NDUFS4: variants seen among roughly 807,000 people sequenced by gnomAD.
The protein encoded by NDUFS4 is NADH:ubiquinone oxidoreductase subunit S4.
In NDUFS4, 28 loss-of-function variants were observed where a neutral mutation model predicts 24.3. The observed-to-expected ratio is 1.15, with a 90% CI of 0.85 to 1.58. The LOEUF is 1.58. Ranked by LOEUF, NDUFS4 falls within the 40% of genes most tolerant of loss-of-function variation. The pLI, the probability that NDUFS4 is intolerant of heterozygous loss-of-function variation, is 0.00. For synonymous variants in NDUFS4, 93 were observed against 69.7 expected (o/e 1.34, Z -1.67); for missense variants, 223 against 207.9 (o/e 1.07, Z -0.45).
chr5:53,653,154 A>T (rs11740800), intron 3 of NDUFS4, among the ~76,000 whole-genome samples: 24,411 of 139,664 alleles, frequency 0.17, 1,961 homozygotes, highest in East Asian at 0.19. Context: ...GTTAAATTTT[A>T]AAAATGTTTT....
At chr5:53,573,524 T>A in intron 1 of NDUFS4, 3 of 443,432 alleles carry the variant, frequency 6.8e-6, no homozygotes, top group South Asian at 4.8e-5. Context: ...TCGTTAGATT[T>A]ATGCCTAACT....
chr5:53,584,763 T>C (rs1412593117), intron 1 of NDUFS4, among the ~76,000 whole-genome samples: 2 of 115,330 alleles, frequency 1.7e-5, no homozygotes, highest in African/African-American at 6.2e-5. Flanking sequence ...TAACTAAAAA[T>C]GTTTTCTGTT....
At chr5:53,631,253 G>T (rs1345344586) in intron 2 of NDUFS4, among the ~76,000 whole-genome samples, 1 of 152,124 alleles carries the variant, frequency 6.6e-6, no homozygotes, top group Non-Finnish European at 1.5e-5. Context: ...CCTTCCTCTG[G>T]AAGCTTCGTC....
At chr5:53,567,843 T>A (rs1749085194) in intron 1 of NDUFS4, among the ~76,000 whole-genome samples, 1 of 152,162 alleles carries the variant, frequency 6.6e-6, no homozygotes, top group African/African-American at 2.4e-5. Context: ...GTTTACTTTT[T>A]ATGATTAAAG....
chr5:53,582,664 T>C (rs1345715807), intron 1 of NDUFS4, among the ~76,000 whole-genome samples: 2 of 152,244 alleles, frequency 1.3e-5, no homozygotes, highest in Non-Finnish European at 2.9e-5. Flanking sequence ...AAAGACCTGC[T>C]GTACTTACTA....
At chr5:53,660,057 A>G (rs1752286732) in intron 4 of NDUFS4, among the ~76,000 whole-genome samples, 1 of 151,710 alleles carries the variant, frequency 6.6e-6, no homozygotes, top group Non-Finnish European at 1.5e-5. Flanking sequence ...CAGGTTTGCT[A>G]CACATGTATA....
At chr5:53,584,043 A>C (rs1462988398) in intron 1 of NDUFS4, among the ~76,000 whole-genome samples, 1 of 152,320 alleles carries the variant, frequency 6.6e-6, no homozygotes, top group Non-Finnish European at 1.5e-5. Context: ...GCTTTTCCTT[A>C]CAGTCCTGCT....
At chr5:53,599,921 T>C (rs1750257789) in intron 1 of NDUFS4, among the ~76,000 whole-genome samples, 1 of 152,094 alleles carries the variant, frequency 6.6e-6, no homozygotes, top group Admixed American at 6.5e-5. Context: ...CAAACAGATA[T>C]TTACTGTATA....
At chr5:53,609,813 C>T (rs76012526) in intron 2 of NDUFS4, among the ~76,000 whole-genome samples, 2,123 of 152,020 alleles carry the variant, frequency 0.014, 39 homozygotes, top group Non-Finnish European at 0.018. Context: ...AGATGGCTTC[C>T]TCCTTAGACC....
At chr5:53,636,707 G>A (rs1489538934) in intron 2 of NDUFS4, among the ~76,000 whole-genome samples, 6 of 152,158 alleles carry the variant, frequency 3.9e-5, no homozygotes, top group African/African-American at 1.4e-4. Flanking sequence ...GGAGCCTGTT[G>A]GGAGGTAATT....
At chr5:53,675,274 A>T (rs1457752116) in intron 4 of NDUFS4, among the ~76,000 whole-genome samples, 2 of 142,528 alleles carry the variant, frequency 1.4e-5, no homozygotes, top group Non-Finnish European at 3.0e-5. Context: ...GCCATTCTCC[A>T]GCCTCAGCCT....
chr5:53,560,760 G>C lies in NDUFS4; in HGVS notation c.98G>C (p.Arg33Thr), dbSNP rs373075319. The change falls in exon 1 of 5, where the codon AGG (arginine) becomes ACG (threonine). Residue 33 changes from arginine to threonine, a missense_variant and splice_region_variant. Transcript: ENST00000296684. ...CTTTCCGTTTCCAGGGTTCCGACCA[G>C]GTAATAGAATTTTCACACTTTTCTT... The part of the protein sequence containing the change: ...AALSVSRVPT[R>T]SLRTSTWRLA... The C allele has an allele frequency of 2.5e-6, 4 of 1,614,218 alleles. No individual in the cohort carries two copies. Among genetic ancestry groups the C allele is most frequent in the Non-Finnish European group, 3.4e-6 (4 of 1,180,046 alleles).
At chr5:53,680,848 A>AC (rs1740641587) in intron 4 of NDUFS4, among the ~76,000 whole-genome samples, 2 of 152,066 alleles carry the variant, frequency 1.3e-5, no homozygotes, top group Non-Finnish European at 2.9e-5. Flanking sequence ...TATAATAATA[A>AC]TAAAAAAATA....
At chr5:53,572,005 G>A (rs1383072767) in intron 1 of NDUFS4, among the ~76,000 whole-genome samples, 1 of 152,186 alleles carries the variant, frequency 6.6e-6, no homozygotes, top group Non-Finnish European at 1.5e-5. Context: ...AGATGAAGAA[G>A]AGAAAAGCAT....
chr5:53,610,535 A>G (rs1579869979), intron 2 of NDUFS4, among the ~76,000 whole-genome samples: 1 of 149,150 alleles, frequency 6.7e-6, no homozygotes, highest in African/African-American at 2.4e-5. Flanking sequence ...TGAAAAAACA[A>G]AAACATAAAA....
intron 1 of NDUFS4, among the ~76,000 whole-genome samples, chr5:53,586,349 AC>A (rs1749754296): frequency 6.6e-6 from 1 of 151,518 alleles, no homozygotes; most frequent in Non-Finnish European, 1.5e-5. Context: ...AAAAAAACAA[AC>A]CAAAACAAAA....
chr5:53,584,236 G>T (rs1248974869), intron 1 of NDUFS4, among the ~76,000 whole-genome samples: 2 of 152,116 alleles, frequency 1.3e-5, no homozygotes, highest in Non-Finnish European at 2.9e-5. Context: ...AGTTATTATT[G>T]GGTTTAGCAT....
chr5:53,638,898 C>G (rs908126323), intron 2 of NDUFS4, among the ~76,000 whole-genome samples: 2 of 151,960 alleles, frequency 1.3e-5, no homozygotes, highest in African/African-American at 4.8e-5. Context: ...GTTAATAAAA[C>G]TATGTAAATG....
intron 1 of NDUFS4, among the ~76,000 whole-genome samples, chr5:53,587,104 G>A (rs538202789): frequency 3.3e-5 from 5 of 152,180 alleles, no homozygotes; most frequent in South Asian, 2.1e-4. Context: ...GATTACAGGC[G>A]TGAACCATTG....
Sources: gnomAD v4.1 joint callset for allele counts (sites outside exome capture counted in the v4.1 genomes callset) on GRCh38, gnomAD v4.1.1 for gene constraint, MANE v1.5 for transcripts, NCBI Gene and HGNC (gene_info 2026-07-23, HGNC 2026-07-21) for gene names.